The following SAMD4A variants were observed in gnomAD, a reference collection of about 807,000 sequenced individuals.
SAMD4A encodes the protein sterile alpha motif domain containing 4A.
SAMD4A carries 33 observed loss-of-function variants against 81.3 expected under a neutral mutation model. The observed-to-expected ratio is 0.41, with a 90% confidence interval of 0.31 to 0.54. The LOEUF is 0.54. Among genes scored for constraint, SAMD4A ranks in the 20% least tolerant of loss-of-function variants. The pLI is 0.37. For synonymous variants in SAMD4A, 389 were observed against 382.1 expected (o/e 1.02, Z -0.21); for missense variants, 854 against 951.1 (o/e 0.90, Z 1.34).
At chr14:54,630,831 T>TA (rs1236312266) in intron 2 of SAMD4A, among the ~76,000 whole-genome samples, 1 of 152,110 alleles carries the variant, frequency 6.6e-6, no homozygotes, top group African/African-American at 2.4e-5. Context: ...GTATATTTTA[T>TA]AATAAATATA....
At chr14:54,785,705 G>A (rs2039123231) in intron 12 of SAMD4A, among the ~76,000 whole-genome samples, 1 of 152,226 alleles carries the variant, frequency 6.6e-6, no homozygotes, top group African/African-American at 2.4e-5. Flanking sequence ...CCAGACCTAA[G>A]GTTGTTAGAT....
intron 10 of SAMD4A, among the ~76,000 whole-genome samples, chr14:54,775,837 G>A (rs1345157308): frequency 4.0e-5 from 6 of 151,770 alleles, no homozygotes; most frequent in Admixed American, 2.0e-4. Context: ...CAGGCAAGAC[G>A]GGCAGGATTC....
At chr14:54,739,032 CTTTG>C (rs1013407413) in intron 4 of SAMD4A, among the ~76,000 whole-genome samples, 6 of 116,784 alleles carry the variant, frequency 5.1e-5, no homozygotes, top group African/African-American at 1.9e-4. Context: ...CTTCCTTTTA[CTTTG>C]TTTTCTTTCT....
intron 2 of SAMD4A, among the ~76,000 whole-genome samples, chr14:54,608,435 T>C (rs2034272181): frequency 6.6e-6 from 1 of 152,242 alleles, no homozygotes; most frequent in Non-Finnish European, 1.5e-5. Context: ...GTTGCATATA[T>C]GTTCTTAATC....
At chr14:54,778,766 G>C (rs924557265) in intron 11 of SAMD4A, among the ~76,000 whole-genome samples, 5 of 152,148 alleles carry the variant, frequency 3.3e-5, no homozygotes, top group African/African-American at 1.2e-4. Flanking sequence ...CGCTGGACAG[G>C]AGCCACTCCT....
chr14:54,772,851 G>A (rs942413564), intron 9 of SAMD4A, among the ~76,000 whole-genome samples: 2 of 150,978 alleles, frequency 1.3e-5, no homozygotes, highest in African/African-American at 4.9e-5. Context: ...CTCGGCCCTT[G>A]TCTCTACCTC....
At chr14:54,722,236 G>A (rs919297977) in intron 3 of SAMD4A, among the ~76,000 whole-genome samples, 1 of 152,122 alleles carries the variant, frequency 6.6e-6, no homozygotes, top group African/African-American at 2.4e-5. Context: ...TGTCTCAGGT[G>A]GTGGACAGCT....
chr14:54,633,576 C>T (rs986267998), intron 2 of SAMD4A, among the ~76,000 whole-genome samples: 1 of 151,892 alleles, frequency 6.6e-6, no homozygotes, highest in Non-Finnish European at 1.5e-5. Context: ...AGTGGGGTGC[C>T]TGGTGCCTAG....
At chr14:54,637,297 G>A (rs1448709666) in intron 2 of SAMD4A, among the ~76,000 whole-genome samples, 2 of 149,342 alleles carry the variant, frequency 1.3e-5, no homozygotes, top group East Asian at 4.0e-4. Context: ...CCCGGGAGGT[G>A]GAGGTTTCAG....
chr14:54,666,281 G>A (rs890986591), intron 2 of SAMD4A, among the ~76,000 whole-genome samples: 1 of 152,188 alleles, frequency 6.6e-6, no homozygotes, highest in Non-Finnish European at 1.5e-5. Flanking sequence ...TGCCTGTGTG[G>A]GCGTCTTGAT....
At chr14:54,728,598 C>A (rs1255375269) in intron 3 of SAMD4A, among the ~76,000 whole-genome samples, 1 of 152,008 alleles carries the variant, frequency 6.6e-6, no homozygotes, top group African/African-American at 2.4e-5. Context: ...AGATTGAATG[C>A]TTTAATGAAA....
intron 3 of SAMD4A, among the ~76,000 whole-genome samples, chr14:54,724,064 C>T (rs1320179033): frequency 2.4e-5 from 2 of 82,776 alleles, no homozygotes; most frequent in Admixed American, 1.1e-4. Context: ...ATGCAGGACG[C>T]ATCTATTCAT....
chr14:54,717,228 T>C (rs981369012), intron 3 of SAMD4A, among the ~76,000 whole-genome samples: 2 of 151,862 alleles, frequency 1.3e-5, no homozygotes, highest in African/African-American at 4.8e-5. Flanking sequence ...ATTGCCTGAG[T>C]GCAGGAGTTC....
chr14:54,681,021 C>T (rs535534358), intron 2 of SAMD4A, among the ~76,000 whole-genome samples: 1 of 152,288 alleles, frequency 6.6e-6, no homozygotes, highest in African/African-American at 2.4e-5. Context: ...GGTTTAGATT[C>T]CTTTGTAAGA....
intron 2 of SAMD4A, among the ~76,000 whole-genome samples, chr14:54,666,370 G>A (rs1169540452): frequency 6.6e-6 from 1 of 152,142 alleles, no homozygotes; most frequent in Admixed American, 6.5e-5. Flanking sequence ...ATACACCAGG[G>A]TATTGGCTCT....
At chr14:54,714,759 G>A (rs563067707) in intron 3 of SAMD4A, among the ~76,000 whole-genome samples, 16 of 152,220 alleles carry the variant, frequency 1.1e-4, no homozygotes, top group African/African-American at 3.1e-4. Context: ...GTAATAGTAA[G>A]GGTGCTTCTT....
At chr14:54,585,919 T>G (rs1444631719) in intron 2 of SAMD4A, among the ~76,000 whole-genome samples, 2 of 152,190 alleles carry the variant, frequency 1.3e-5, no homozygotes, top group Non-Finnish European at 2.9e-5. Flanking sequence ...AGTATCTTTT[T>G]CCTATAATGA....
chr14:54,604,917 ATTGG>A (rs1205004186), intron 2 of SAMD4A, among the ~76,000 whole-genome samples: 1 of 152,176 alleles, frequency 6.6e-6, no homozygotes, highest in African/African-American at 2.4e-5. Context: ...GCTTTAACTT[ATTGG>A]ATTTGTGCAT....
rs1347572629 is a variant in SAMD4A, at chr14:54,602,321, AATACACACAC to A, written c.196+34211_196+34220del. 3.7e-4 allele frequency among the ~76,000 whole-genome samples: 41 copies of A among 110,960 alleles called. No individual in the cohort carries two copies. The Middle Eastern group carries it at 0.019, about 51-fold the overall frequency. The allele number at this position is 110,960 out of a possible 152,430, so 72.8% of individuals were successfully genotyped here. On this transcript the variant is annotated intron_variant, in intron 2 of 12. Transcript: ENST00000554335. ...TTCCATTGCTAGAGGACTGCTTTAA[AATACACACAC>A]ACACACACACACACACACACACACA...
Sources: allele counts gnomAD v4.1 joint callset (sites outside exome capture counted in the v4.1 genomes callset), GRCh38; gene constraint gnomAD v4.1.1; transcripts MANE v1.5; gene names NCBI Gene and HGNC (gene_info 2026-07-23, HGNC 2026-07-21).